TSGA13: variants seen among roughly 807,000 people sequenced by gnomAD.
The protein encoded by TSGA13 is testis-specific gene 13 protein.
TSGA13 carries 37 observed loss-of-function variants against 35.1 expected under a neutral mutation model. That is an observed-to-expected ratio of 1.05 (90% confidence interval 0.81 to 1.39). The LOEUF is 1.39. TSGA13 is among the 40% of genes most tolerant of loss of function. TSGA13 has a pLI of 0.00. For missense variants in TSGA13, 338 were observed against 328.5 expected (o/e 1.03, Z -0.22); for synonymous variants, 124 against 121.2 (o/e 1.02, Z -0.15).
chr7:130,669,324 A>T, intron 7 of TSGA13, 141 bp from the exon 8 acceptor site: 1 of 868,456 alleles, frequency 1.2e-6, no homozygotes, highest in Non-Finnish European at 1.7e-6. Flanking sequence ...GTGTAATACC[A>T]TTCCCAACCT....
At chr7:130,674,134 G>C (rs868959962) in intron 5 of TSGA13, among the ~76,000 whole-genome samples, 25 of 149,568 alleles carry the variant, frequency 1.7e-4, no homozygotes, top group African/African-American at 5.9e-4. Flanking sequence ...TCAATTCTGA[G>C]AGCCTTCTTC....
At chr7:130,680,628 G>T (rs928065847) in intron 4 of TSGA13, among the ~76,000 whole-genome samples, 22 of 152,078 alleles carry the variant, frequency 1.4e-4, no homozygotes, top group African/African-American at 5.3e-4. Context: ...CAGAGGGTTG[G>T]GGGGAAGGAA....
At chr7:130,685,961 TA>T (rs1407452594) in intron 1 of TSGA13, among the ~76,000 whole-genome samples, 1 of 152,170 alleles carries the variant, frequency 6.6e-6, no homozygotes, top group African/African-American at 2.4e-5. Context: ...GTGTATGAAG[TA>T]GTCTAATTGG....
At chr7:130,681,175 A>G (rs1305219149) in intron 3 of TSGA13, among the ~76,000 whole-genome samples, 158 bp from the exon 4 acceptor site, 1 of 152,154 alleles carries the variant, frequency 6.6e-6, no homozygotes, top group African/African-American at 2.4e-5. Flanking sequence ...TTTGTACTCT[A>G]GGTTTCTGGA....
chr7:130,668,963 C>G lies in TSGA13; in HGVS notation c.*51G>C, dbSNP rs984512133. On this transcript the variant is annotated 3_prime_UTR_variant, in exon 8 of 8. Transcript: ENST00000356588. The stretch of plus-strand genomic sequence containing the variant: ...GGTTTTATTTGGGTGGCGACTTCTG[C>G]GGACCCCTCAGTCTCAAGAGAGCGA... 2.0e-5 allele frequency: 31 copies of G among 1,578,822 alleles called. No homozygotes were observed. The highest frequency in any genetic ancestry group is 2.6e-5 in the Non-Finnish European group (30 of 1,162,384).
rs781897899 is a variant in TSGA13, at chr7:130,680,936, C to T, written c.174+10G>A. The stretch of plus-strand genomic sequence containing the variant: ...CTTAGAGATCTTGGGGGAATGCTTT[C>T]TCTACCTACCAAATTTGGATGGACT... On this transcript the variant is annotated intron_variant, in intron 4 of 7. Transcript: ENST00000356588. 3 of 1,613,820 alleles carry T rather than the reference C, an allele frequency of 1.9e-6. No individual in the cohort carries two copies. Among genetic ancestry groups the T allele is most frequent in the Non-Finnish European group, 2.5e-6 (3 of 1,179,782 alleles).
intron 5 of TSGA13, 58 bp downstream of exon 5, chr7:130,679,097 A>G (rs1290909763): frequency 5.1e-6 from 7 of 1,372,436 alleles, no homozygotes; most frequent in Non-Finnish European, 7.2e-6. Context: ...TTCCTTCTCA[A>G]TGCTAACTCC....
chr7:130,676,343 A>G (rs1317777167), intron 5 of TSGA13, among the ~76,000 whole-genome samples: 1 of 152,200 alleles, frequency 6.6e-6, no homozygotes, highest in African/African-American at 2.4e-5. Flanking sequence ...CATTAGTACA[A>G]TTTAACTGGT....
Position 130,671,661 on chromosome 7 carries a change from C to T in TSGA13, c.658G>A (p.Ala220Thr), listed in dbSNP as rs1191122363. ...TTTGCTTTGAAAGAGAGGAGCTTACCATCTTTCCTCATATCTCTCTCATGG... is the reference window on the plus strand; with the variant it reads ...TTTGCTTTGAAAGAGAGGAGCTTACTATCTTTCCTCATATCTCTCTCATGG... ...PVHERDMRKD[A>T]SKKSASERPI... Residue 220 changes from alanine to threonine, a missense_variant and splice_region_variant, in exon 7 of 8, where the codon GCT (alanine) becomes ACT (threonine). Coordinates refer to ENST00000356588, the MANE Select transcript of TSGA13 (RefSeq NM_052933.4). 3 of 1,567,364 alleles carry T rather than the reference C, an allele frequency of 1.9e-6. No individual in the cohort carries two copies. Among genetic ancestry groups the T allele is most frequent in the South Asian group, 2.4e-5 (2 of 84,606 alleles).
intron 5 of TSGA13, among the ~76,000 whole-genome samples, chr7:130,677,922 C>T (rs182222523): frequency 5.9e-5 from 9 of 152,262 alleles, no homozygotes; most frequent in Admixed American, 2.0e-4. Flanking sequence ...CTTTAACATA[C>T]CTCATTTATT....
rs1554462959 is a variant in TSGA13 at position 130,671,647 on chromosome 7, A to T, written c.658+14T>A. ...CAGTCCAGTAAGCCTTTGCTTTGAAAGAGAGGAGCTTACCATCTTTCCTCA... is the reference window on the plus strand; with the variant it reads ...CAGTCCAGTAAGCCTTTGCTTTGAATGAGAGGAGCTTACCATCTTTCCTCA... On this transcript the variant is annotated intron_variant, in intron 7 of 7. Coordinates refer to ENST00000356588, the MANE Select transcript of TSGA13 (RefSeq NM_052933.4). The T allele has an allele frequency of 5.1e-6, 8 of 1,558,950 alleles. No homozygotes were observed. The highest frequency in any genetic ancestry group is 3.5e-4 in the Middle Eastern group (2 of 5,638).
Position 130,672,772 on chromosome 7 carries a change from C to G in TSGA13, c.492G>C (p.Leu164=), listed in dbSNP as rs1563078313. 1 of 1,614,062 alleles carries G rather than the reference C, an allele frequency of 6.2e-7. No individual in the cohort carries two copies. The highest frequency in any genetic ancestry group is 2.2e-5 in the East Asian group (1 of 44,874). Residue 164 remains leucine (L), a synonymous_variant, in exon 6 of 8, where the codon CTG becomes CTC. Coordinates refer to ENST00000356588, the MANE Select transcript of TSGA13 (RefSeq NM_052933.4). The part of the protein sequence containing the change: ...SKLKPIFPLI[L]SDDPTSKREQ... ...CTCGCTTGGATGTGGGATCATCCGA[C>G]AGTATCAAAGGGAAGATTGGTTTCA...
intron 4 of TSGA13, among the ~76,000 whole-genome samples, chr7:130,680,064 C>T (rs1402673593): frequency 6.6e-6 from 1 of 152,206 alleles, no homozygotes; most frequent in Non-Finnish European, 1.5e-5. Flanking sequence ...CTACCAGGGA[C>T]CAAATCTCGC....
chr7:130,678,206 G>C (rs1318711685), intron 5 of TSGA13, among the ~76,000 whole-genome samples: 2 of 152,058 alleles, frequency 1.3e-5, no homozygotes, highest in African/African-American at 4.8e-5. Context: ...GTGAAACCCC[G>C]TCTCTACTAA....
upstream of TSGA13, chr7:130,686,799 A>T (rs966360203): frequency 6.6e-6 from 1 of 151,946 alleles, no homozygotes. Context: ...CATTCTTCAA[A>T]TACAGTGAGC....
rs782395207 is a variant in TSGA13 at position 130,681,026 on chromosome 7, G to A, written c.103-9C>T. On this transcript the variant is annotated splice_polypyrimidine_tract_variant and intron_variant, in intron 3 of 7. Coordinates refer to ENST00000356588, the MANE Select transcript of TSGA13 (RefSeq NM_052933.4). ...CCGACTGCATCAGAAATCTAAAGAG[G>A]ATAATCAAAGTTAGTGGTTTGAAGT... The A allele has an allele frequency of 1.2e-6, 2 of 1,613,774 alleles. No individual in the cohort carries two copies. The highest frequency in any genetic ancestry group is 1.3e-5 in the African/African-American group (1 of 74,916).
chr7:130,685,507 G>T, intron 1 of TSGA13, 147 bp from the exon 2 acceptor site: 1 of 693,468 alleles, frequency 1.4e-6, no homozygotes, highest in East Asian at 3.6e-5. Flanking sequence ...AAACAATAGT[G>T]ACAAATACAT....
intron 5 of TSGA13, among the ~76,000 whole-genome samples, chr7:130,678,423 C>G (rs1361202843): frequency 2.0e-5 from 3 of 152,050 alleles, no homozygotes; most frequent in Non-Finnish European, 4.4e-5. Flanking sequence ...CAAATTCCGT[C>G]TTCTGAAACT....
At chr7:130,684,769 C>T (rs1177978265) in intron 2 of TSGA13, among the ~76,000 whole-genome samples, 1 of 152,106 alleles carries the variant, frequency 6.6e-6, no homozygotes, top group Non-Finnish European at 1.5e-5. Flanking sequence ...ATGGAGAGAC[C>T]AAAATTCATC....
Sources: allele counts gnomAD v4.1 joint callset (sites outside exome capture counted in the v4.1 genomes callset), GRCh38; gene constraint gnomAD v4.1.1; transcripts MANE v1.5; gene names NCBI Gene and HGNC (gene_info 2026-07-23, HGNC 2026-07-21).